The following PRKCE variants were observed in gnomAD, a reference collection of about 807,000 sequenced individuals.
PRKCE encodes protein kinase C epsilon type.
PRKCE carries 16 observed loss-of-function variants against 85.4 expected under a neutral mutation model. That is an observed-to-expected ratio of 0.19 (90% confidence interval 0.13 to 0.28). The LOEUF (loss-of-function observed/expected upper bound fraction) is 0.28, where lower values mean the gene tolerates loss of function less well. Among genes scored for constraint, PRKCE ranks in the 10% least tolerant of loss-of-function variants. The probability of loss-of-function intolerance (pLI) is 1.00; values close to 1 mark genes in which losing one functional copy is unlikely to be tolerated. For missense variants in PRKCE, 573 were observed against 975.2 expected (o/e 0.59, Z 5.49); for synonymous variants, 388 against 371.5 (o/e 1.04, Z -0.51).
chr2:45,879,062 C>T (rs563030454), intron 2 of PRKCE, among the ~76,000 whole-genome samples: 6 of 152,230 alleles, frequency 3.9e-5, no homozygotes, highest in African/African-American at 1.2e-4. Flanking sequence ...AACTTTACAT[C>T]CTCGTTTTCC....
intron 11 of PRKCE, among the ~76,000 whole-genome samples, chr2:46,110,789 AT>A (rs1403356651): frequency 6.6e-6 from 1 of 151,708 alleles, no homozygotes; most frequent in African/African-American, 2.4e-5. Flanking sequence ...TAGTTTATTG[AT>A]TTTTAAGTTT....
intron 2 of PRKCE, among the ~76,000 whole-genome samples, chr2:45,946,758 G>A (rs1306198527): frequency 6.6e-6 from 1 of 152,168 alleles, no homozygotes; most frequent in Non-Finnish European, 1.5e-5. Flanking sequence ...GGATTTTGGT[G>A]GAAAGAAAGT....
rs527718068 is a variant in PRKCE, at chr2:46,006,204, T to C, written c.1064-1258T>C. On this transcript the variant is annotated intron_variant, in intron 8 of 14. Transcript: ENST00000306156. ...AAGACATAGTTTCTTTTTCTTCCCT[T>C]GTAAAGACACATAGAAAAACCTTTT... is the stretch of plus-strand genomic sequence containing the variant. Among the ~76,000 whole-genome samples, 4 of 152,378 alleles carry C rather than the reference T, an allele frequency of 2.6e-5. No homozygotes were observed. The East Asian group carries it at 7.7e-4, about 29-fold the overall frequency.
chr2:46,121,020 G>A (rs1673266046), intron 11 of PRKCE, among the ~76,000 whole-genome samples: 1 of 152,186 alleles, frequency 6.6e-6, no homozygotes, highest in South Asian at 2.1e-4. Flanking sequence ...AGTCAAAGCT[G>A]TAAAATTTAT....
In PRKCE at chr2:45,652,369, G is replaced by A. The variant is rs775012697; in HGVS notation, c.269G>A (p.Gly90Asp). The change falls in exon 1 of 15, where the codon GGC becomes GAC. Residue 90 changes from glycine (G) to aspartate (D), a missense_variant. Physicochemically the swap from Gly to Asp is moderately conservative, Grantham distance 94. Coordinates refer to ENST00000306156, the MANE Select transcript of PRKCE (RefSeq NM_005400.3). The surrounding 1 kb of genome is among the most constrained non-coding windows in gnomAD (Gnocchi z 7.7). Reference sequence around the variant, plus strand: ...GCTGTCTTTCACGATGCCCCCATAGGCTACGACGACTTCGTGGCCAACTGC... The same window carrying A: ...GCTGTCTTTCACGATGCCCCCATAGACTACGACGACTTCGTGGCCAACTGC... The part of the protein sequence containing the change: ...ELAVFHDAPI[G>D]YDDFVANCTI... 6.2e-7 allele frequency: 1 copy of A among 1,613,434 alleles called. No homozygotes were observed. Among genetic ancestry groups the A allele is most frequent in the Non-Finnish European group, 8.5e-7 (1 of 1,180,024 alleles).
At chr2:45,732,919 T>C (rs1681706507) in intron 1 of PRKCE, among the ~76,000 whole-genome samples, 1 of 152,224 alleles carries the variant, frequency 6.6e-6, no homozygotes, top group Admixed American at 6.5e-5. Context: ...ATGGATGTCC[T>C]AGATCAAGGG....
intron 10 of PRKCE, among the ~76,000 whole-genome samples, chr2:46,085,004 T>G (rs56079540): frequency 0.15 from 22,300 of 152,152 alleles, 1,864 homozygotes; most frequent in Middle Eastern, 0.19. Context: ...GACTCTTATT[T>G]TGTTTTTTTA....
Position 46,001,379 on chromosome 2 carries a change from G to C in PRKCE, c.824-25G>C, listed in dbSNP as rs750573006. 2 of 1,590,824 alleles carry C rather than the reference G, an allele frequency of 1.3e-6. No individual in the cohort carries two copies. Among genetic ancestry groups the C allele is most frequent in the African/African-American group, 2.7e-5 (2 of 74,612 alleles). ...CATCTTAGGCCATGAACACTTATCT[G>C]TCTTTTCTCCATGTCTCCTTACAGT... On this transcript the variant is annotated intron_variant, in intron 6 of 14. Coordinates refer to ENST00000306156, the MANE Select transcript of PRKCE (RefSeq NM_005400.3). The surrounding 1 kb of genome is among the most constrained non-coding windows in gnomAD (Gnocchi z 4.4).
At chr2:45,846,399 G>A (rs1691791974) in intron 2 of PRKCE, among the ~76,000 whole-genome samples, 1 of 152,148 alleles carries the variant, frequency 6.6e-6, no homozygotes, top group African/African-American at 2.4e-5. Context: ...CTTGCACCTA[G>A]GTGTCATGCT....
At chr2:45,794,917 T>C in intron 1 of PRKCE, among the ~76,000 whole-genome samples, 1 of 143,920 alleles carries the variant, frequency 6.9e-6, no homozygotes, top group South Asian at 2.2e-4. Context: ...AGTAGAAATG[T>C]CAAGATCACA....
rs577182487 is a variant in PRKCE at position 45,922,588 on chromosome 2, C to A, written c.413-53841C>A. Among the ~76,000 whole-genome samples, 8 of 152,340 alleles carry A rather than the reference C, an allele frequency of 5.3e-5. 1 individual carries two copies. In the South Asian group the frequency reaches 1.2e-3, roughly 24 times the overall value. ...ACTATCTTCATTAAACCCTTCCCCC[C>A]AGGCTGTCTCCACCCCAAGCCCATG... On this transcript the variant is annotated intron_variant, in intron 2 of 14. Coordinates refer to ENST00000306156, the MANE Select transcript of PRKCE (RefSeq NM_005400.3).
rs747332623 is a variant in PRKCE at position 46,077,792 on chromosome 2, CCTT to C, written c.1438-8412_1438-8410del. Reference sequence around the variant, plus strand: ...CAAGTCCCCAGTAAGAAAAAAAAATCCTTCTTTCTATTACCCACACTGACCTTC... The same window carrying C: ...CAAGTCCCCAGTAAGAAAAAAAAATCCTTTCTATTACCCACACTGACCTTC... On this transcript the variant is annotated intron_variant, in intron 10 of 14. Transcript: ENST00000306156. Among the ~76,000 whole-genome samples, 71 of 152,250 alleles carry C rather than the reference CCTT, an allele frequency of 4.7e-4. No individual in the cohort carries two copies. In the Middle Eastern group the frequency reaches 0.017, roughly 36 times the overall value.
intron 1 of PRKCE, among the ~76,000 whole-genome samples, chr2:45,799,936 T>C (rs1449839343): frequency 3.9e-5 from 6 of 152,214 alleles, no homozygotes. Context: ...AGCATCTGAA[T>C]GTCTGGACTT....
intron 1 of PRKCE, among the ~76,000 whole-genome samples, chr2:45,705,710 A>T (rs642200): frequency 2.0e-5 from 3 of 152,032 alleles, no homozygotes; most frequent in South Asian, 2.1e-4. Flanking sequence ...AATATCCCTG[A>T]GTGTCCTTTG....
intron 1 of PRKCE, among the ~76,000 whole-genome samples, chr2:45,693,282 T>G (rs1243630201): frequency 1.3e-5 from 2 of 152,148 alleles, no homozygotes; most frequent in African/African-American, 4.8e-5. Context: ...ATAAGTTTGC[T>G]TGTAAAGATG....
chr2:46,170,355 T>C (rs1244760025), intron 14 of PRKCE, among the ~76,000 whole-genome samples: 1 of 152,236 alleles, frequency 6.6e-6, no homozygotes, highest in African/African-American at 2.4e-5. Flanking sequence ...TTGGGACTTA[T>C]AATTTTAACT....
chr2:46,178,947 G>A (rs1419768411), intron 14 of PRKCE, among the ~76,000 whole-genome samples: 1 of 152,120 alleles, frequency 6.6e-6, no homozygotes, highest in Non-Finnish European at 1.5e-5. Context: ...GTCATAAGAA[G>A]GAGCCTCACG....
intron 1 of PRKCE, among the ~76,000 whole-genome samples, chr2:45,769,592 T>C (rs1364293977): frequency 6.6e-6 from 1 of 152,242 alleles, no homozygotes; most frequent in Non-Finnish European, 1.5e-5. Context: ...CTCACTGATA[T>C]TAAGTTTGTT....
Position 45,652,331 on chromosome 2 carries a change from C to A in PRKCE, c.231C>A (p.Arg77=). Residue 77 remains arginine (R), a synonymous_variant, in exon 1 of 15, where the codon CGC becomes CGA. Coordinates refer to ENST00000306156, the MANE Select transcript of PRKCE (RefSeq NM_005400.3). This position sits in a 1 kb window ranked among gnomAD's most constrained non-coding sequence, Gnocchi z 7.7. The part of the protein sequence containing the change: ...DEFVTDVCNG[R]KIELAVFHDA... ...TCGTCACCGATGTGTGCAACGGACG[C>A]AAGATCGAGCTGGCTGTCTTTCACG... The A allele has an allele frequency of 6.2e-7, 1 of 1,613,814 alleles. No homozygotes were observed. Among genetic ancestry groups the A allele is most frequent in the African/African-American group, 1.3e-5 (1 of 75,002 alleles).
Sources: gnomAD v4.1 joint callset for allele counts (sites outside exome capture counted in the v4.1 genomes callset) on GRCh38, gnomAD v4.1.1 for gene constraint, Gnocchi (gnomAD v3.1) non-coding constraint, MANE v1.5 for transcripts, NCBI Gene and HGNC (gene_info 2026-07-23, HGNC 2026-07-21) for gene names.